SESN1: variants seen among roughly 807,000 people sequenced by gnomAD.
The protein encoded by SESN1 is sestrin 1.
Under a neutral mutation model 59.3 loss-of-function variants are expected in SESN1, and 30 were observed. That is an observed-to-expected ratio of 0.51 (90% CI 0.38 to 0.69). SESN1 has a LOEUF of 0.69. SESN1 is among the 30% of genes least tolerant of loss of function. The pLI is 0.00. For missense variants in SESN1, 566 were observed against 673.0 expected, an observed-to-expected ratio of 0.84 and a Z score of 1.76; for synonymous variants, 197 against 219.9, an observed-to-expected ratio of 0.90 and a Z score of 0.92.
At chr6:109,021,604 ATTTTTTT>A (rs945371246) in intron 1 of SESN1, among the ~76,000 whole-genome samples, 3 of 150,940 alleles carry the variant, frequency 2.0e-5, no homozygotes. Context: ...AGCCTGGCTA[ATTTTTTT>A]TTGTATTTTT....
At chr6:108,994,435 T>C (rs1309383454) in intron 6 of SESN1, 27 bp downstream of exon 6, 4 of 1,562,916 alleles carry the variant, frequency 2.6e-6, no homozygotes, top group Non-Finnish European at 3.5e-6. Context: ...GCAATAATTA[T>C]ATTGACTATA....
intron 1 of SESN1, among the ~76,000 whole-genome samples, chr6:109,070,538 C>T (rs558692199): frequency 3.5e-4 from 53 of 152,236 alleles, no homozygotes; most frequent in African/African-American, 1.2e-3. Flanking sequence ...GACAGGCCAC[C>T]GCCAGGGCCC....
At chr6:109,071,847 A>C (rs1312487446) in intron 1 of SESN1, among the ~76,000 whole-genome samples, 1 of 152,156 alleles carries the variant, frequency 6.6e-6, no homozygotes, top group African/African-American at 2.4e-5. Context: ...ATTTTTCTCT[A>C]AAGTTTAAGG....
In SESN1 at chr6:108,998,769, A is replaced by G. The variant is rs1450025359; in HGVS notation, c.730-14T>C. 1.9e-6 allele frequency: 3 copies of G among 1,592,384 alleles called. No individual in the cohort carries two copies. The highest frequency in any genetic ancestry group is 2.2e-5 in the East Asian group (1 of 44,552). Reference sequence around the variant, plus strand: ...TTTTAAAAGTCCCTTAGGGGGAAAAAAAAAAAGAATATATTTTTGTACTGG... The same window carrying G: ...TTTTAAAAGTCCCTTAGGGGGAAAAGAAAAAAGAATATATTTTTGTACTGG... On this transcript the variant is annotated splice_polypyrimidine_tract_variant and intron_variant, in intron 4 of 9. Transcript: ENST00000436639.
rs559465692 is a variant in SESN1, at chr6:109,055,117, T to G, written c.279+38678A>C. On this transcript the variant is annotated intron_variant, in intron 1 of 9. Coordinates refer to ENST00000436639, the MANE Select transcript of SESN1 (RefSeq NM_014454.3). ...TCTAATCCTCACCTCTACCTGCTAA[T>G]AGCTGTGTGCTTCTCCTTCCTGAAG... 4.6e-5 allele frequency among the ~76,000 whole-genome samples: 7 copies of G among 152,332 alleles called. No homozygotes were observed. The East Asian group carries it at 1.4e-3, about 29-fold the overall frequency.
intron 1 of SESN1, among the ~76,000 whole-genome samples, chr6:109,067,951 G>A (rs1282207158): frequency 6.6e-6 from 1 of 152,218 alleles, no homozygotes; most frequent in Non-Finnish European, 1.5e-5. Flanking sequence ...TTGGAGGACA[G>A]GGAGAAGAAG....
intron 1 of SESN1, among the ~76,000 whole-genome samples, chr6:109,010,446 C>CA (rs1433228844): frequency 3.9e-5 from 6 of 151,910 alleles, no homozygotes; most frequent in Admixed American, 3.3e-4. Flanking sequence ...GGTTAAAAAA[C>CA]AAAAAAAGTT....
At chr6:108,991,878 A>G (rs1011459579) in intron 7 of SESN1, among the ~76,000 whole-genome samples, 1 of 152,194 alleles carries the variant, frequency 6.6e-6, no homozygotes, top group Non-Finnish European at 1.5e-5. Context: ...AGCTCTCAGC[A>G]GCCAACCAAT....
chr6:109,069,686 C>T (rs1037029686), intron 1 of SESN1, among the ~76,000 whole-genome samples: 16 of 151,978 alleles, frequency 1.1e-4, no homozygotes, highest in Non-Finnish European at 2.2e-4. Flanking sequence ...GGACCACAGC[C>T]GTGTACCACG....
At chr6:108,989,780 G>A (rs1012799828) in intron 8 of SESN1, among the ~76,000 whole-genome samples, 1 of 152,102 alleles carries the variant, frequency 6.6e-6, no homozygotes, top group Non-Finnish European at 1.5e-5. Context: ...AGCCAAGATG[G>A]CTGCATGCAC....
intron 1 of SESN1, among the ~76,000 whole-genome samples, chr6:109,022,329 A>G (rs943206141): frequency 2.0e-5 from 3 of 151,804 alleles, no homozygotes. Flanking sequence ...TGATTCCAGA[A>G]GCAGGGCAAT....
At chr6:108,991,017 A>T (rs1779367764) in intron 7 of SESN1, among the ~76,000 whole-genome samples, 182 bp from the exon 8 acceptor site, 1 of 152,092 alleles carries the variant, frequency 6.6e-6, no homozygotes, top group Non-Finnish European at 1.5e-5. Flanking sequence ...CAACATGCAA[A>T]AGGTTGTGTT....
intron 2 of SESN1, 42 bp from the exon 3 acceptor site, chr6:109,001,530 T>C (rs1779625112): frequency 1.3e-6 from 2 of 1,555,674 alleles, no homozygotes. Flanking sequence ...AATGGTAAAT[T>C]GGTGTTAAGG....
chr6:109,003,904 A>G (rs1324550720), intron 1 of SESN1, among the ~76,000 whole-genome samples: 13 of 152,200 alleles, frequency 8.5e-5, no homozygotes, highest in Non-Finnish European at 1.5e-5. Context: ...TATCCCCTCT[A>G]ATTTCTTTAA....
intron 1 of SESN1, among the ~76,000 whole-genome samples, chr6:109,068,603 A>T (rs1041106301): frequency 5.3e-5 from 8 of 152,176 alleles, no homozygotes; most frequent in Non-Finnish European, 1.2e-4. Context: ...GATATAATAG[A>T]GGAGAAGTAA....
intron 1 of SESN1, among the ~76,000 whole-genome samples, chr6:109,055,661 C>CAAAAAA (rs577017689): frequency 3.9e-5 from 2 of 51,274 alleles, no homozygotes; most frequent in African/African-American, 1.1e-4. Context: ...GACTCCACCT[C>CAAAAAA]AAAAAAAAAA....
At chr6:108,992,281 T>A (rs9398184) in intron 7 of SESN1, among the ~76,000 whole-genome samples, 4 of 152,060 alleles carry the variant, frequency 2.6e-5, no homozygotes, top group Non-Finnish European at 5.9e-5. Flanking sequence ...TTTTATTTTT[T>A]ATTTTTATTT....
intron 1 of SESN1, among the ~76,000 whole-genome samples, chr6:109,043,034 G>T (rs1006745378): frequency 1.3e-5 from 2 of 152,052 alleles, no homozygotes; most frequent in African/African-American, 4.8e-5. Flanking sequence ...TGCATGGCTG[G>T]TTCAACATCT....
At chr6:109,035,976 C>A (rs1780242635) in intron 1 of SESN1, among the ~76,000 whole-genome samples, 1 of 152,118 alleles carries the variant, frequency 6.6e-6, no homozygotes, top group African/African-American at 2.4e-5. Context: ...TAGTAATTGC[C>A]CTCCTTATTG....
Sources: gnomAD v4.1 joint callset for allele counts (sites outside exome capture counted in the v4.1 genomes callset) on GRCh38, gnomAD v4.1.1 for gene constraint, MANE v1.5 for transcripts, NCBI Gene and HGNC (gene_info 2026-07-23, HGNC 2026-07-21) for gene names.